The following FRMD4A variants were observed in gnomAD, a reference collection of about 807,000 sequenced individuals.
FRMD4A encodes the protein FERM domain-containing protein 4A.
In FRMD4A, 29 loss-of-function variants were observed where a neutral mutation model predicts 129.1. That is an observed-to-expected ratio of 0.22 (90% CI 0.17 to 0.31). The LOEUF (loss-of-function observed/expected upper bound fraction) is 0.31, where lower values mean the gene tolerates loss of function less well. Ranked by LOEUF, FRMD4A falls within the 10% of genes least tolerant of loss-of-function variation. FRMD4A has a pLI of 1.00. For synonymous variants in FRMD4A, 634 were observed against 571.6 expected, an observed-to-expected ratio of 1.11 and a Z score of -1.56; for missense variants, 1,272 against 1,375.8, an observed-to-expected ratio of 0.92 and a Z score of 1.19.
chr10:13,679,456 A>ATAT (rs1564590925), intron 15 of FRMD4A, among the ~76,000 whole-genome samples: 14 of 31,880 alleles, frequency 4.4e-4, no homozygotes, highest in African/African-American at 1.7e-3. Flanking sequence ...AAAAAAAAAA[A>ATAT]AAAAATATAT....
At chr10:13,719,379 C>T (rs2089189743) in intron 12 of FRMD4A, among the ~76,000 whole-genome samples, 1 of 152,014 alleles carries the variant, frequency 6.6e-6, no homozygotes, top group African/African-American at 2.4e-5. Context: ...GAAGCCTACT[C>T]CCAACCTAGA....
Position 13,651,943 on chromosome 10 carries a change from C to CATCCAGAATGGGTGAGTTTTCT in FRMD4A, c.3060_3081dup (p.Gly1028ArgfsTer10). 6.2e-7 allele frequency: 1 copy of CATCCAGAATGGGTGAGTTTTCT among 1,600,962 alleles called. No homozygotes were observed. The highest frequency in any genetic ancestry group is 8.6e-7 in the Non-Finnish European group (1 of 1,167,980). On this transcript the variant is annotated frameshift_variant, in exon 24 of 25. Transcript: ENST00000357447. LOFTEE classifies it high-confidence loss of function. Reference sequence around the variant, plus strand: ...CTTTGGTGAGGTGGAGACTCAGACCCATCCAGAATGGGTGAGTTTTCTGTT... The same window carrying CATCCAGAATGGGTGAGTTTTCT: ...CTTTGGTGAGGTGGAGACTCAGACCCATCCAGAATGGGTGAGTTTTCTATCCAGAATGGGTGAGTTTTCTGTT...
intron 2 of FRMD4A, among the ~76,000 whole-genome samples, chr10:13,876,131 G>A (rs1259227860): frequency 6.6e-6 from 1 of 152,240 alleles, no homozygotes; most frequent in Admixed American, 6.5e-5. Flanking sequence ...GTTGTAGAAA[G>A]GATTACAGAA....
At chr10:14,209,728 A>G (rs1222855079) in intron 2 of FRMD4A, among the ~76,000 whole-genome samples, 2 of 151,670 alleles carry the variant, frequency 1.3e-5, no homozygotes, top group African/African-American at 4.8e-5. Flanking sequence ...CAAAAAAAAA[A>G]AAAAAAAAAT....
At position 13,699,082 on chromosome 10, in the gene FRMD4A, G is replaced by A. The variant is rs2086529491; in HGVS notation, c.975+2258C>T. Reference sequence around the variant, plus strand: ...TTTTTTTTTTTTTTTCTGAGATGGAGTCTCACTCTGTCAACCACGCTGGAG... The same window carrying A: ...TTTTTTTTTTTTTTTCTGAGATGGAATCTCACTCTGTCAACCACGCTGGAG... On this transcript the variant is annotated intron_variant, in intron 14 of 24. Transcript: ENST00000357447. Among the ~76,000 whole-genome samples the A allele has an allele frequency of 2.1e-5, 3 of 141,900 alleles. No homozygotes were observed. The South Asian group carries it at 6.6e-4, about 31-fold the overall frequency. 93.1% of individuals were successfully genotyped at this position (141,900 alleles called of 152,430 possible).
chr10:13,663,795 C>T (rs180891458), intron 18 of FRMD4A, among the ~76,000 whole-genome samples: 12 of 152,210 alleles, frequency 7.9e-5, no homozygotes, highest in African/African-American at 2.4e-4. Flanking sequence ...GGCTTCATAC[C>T]GAATATAAAG....
intron 2 of FRMD4A, among the ~76,000 whole-genome samples, chr10:13,929,451 G>A (rs775440831): frequency 6.6e-6 from 1 of 152,174 alleles, no homozygotes; most frequent in Non-Finnish European, 1.5e-5. Flanking sequence ...CACCTTGAAG[G>A]TTTGCCATGG....
chr10:14,308,977 G>C (rs1236626666), intron 2 of FRMD4A, among the ~76,000 whole-genome samples: 1 of 152,194 alleles, frequency 6.6e-6, no homozygotes, highest in Non-Finnish European at 1.5e-5. Flanking sequence ...GTTATTCAAA[G>C]ATTCAGTGGT....
At chr10:13,882,866 C>T (rs1005905502) in intron 2 of FRMD4A, among the ~76,000 whole-genome samples, 1 of 151,032 alleles carries the variant, frequency 6.6e-6, no homozygotes, top group African/African-American at 2.4e-5. Flanking sequence ...TGCAGTGGCA[C>T]TATCACGGCT....
chr10:13,650,262 C>CTGGGGTTGT (rs1357854569), intron 24 of FRMD4A, among the ~76,000 whole-genome samples: 2 of 152,180 alleles, frequency 1.3e-5, no homozygotes, highest in Non-Finnish European at 2.9e-5. Context: ...GTGGCACATA[C>CTGGGGTTGT]TGGGGTTGTT....
intron 2 of FRMD4A, among the ~76,000 whole-genome samples, chr10:14,319,042 G>T (rs1238336282): frequency 1.3e-5 from 2 of 152,204 alleles, no homozygotes; most frequent in African/African-American, 4.8e-5. Flanking sequence ...CCCACATCAT[G>T]TGGGGAGACT....
chr10:13,763,583 T>C lies in FRMD4A; in HGVS notation c.385-903A>G, dbSNP rs138325000. ...TAACAATGTTTCTGCCTATTAGTTC[T>C]TCCCCCAAATACTTAATTGTGATCT... is the stretch of plus-strand genomic sequence containing the variant. On this transcript the variant is annotated intron_variant, in intron 6 of 24. Transcript: ENST00000357447. Among the ~76,000 whole-genome samples, 348 of 152,302 alleles carry C rather than the reference T, an allele frequency of 2.3e-3. 4 individuals are homozygous for C. The highest frequency in any genetic ancestry group is 0.015 in the South Asian group (70 of 4,824).
At chr10:13,851,951 G>A (rs1471964340) in intron 3 of FRMD4A, among the ~76,000 whole-genome samples, 1 of 151,292 alleles carries the variant, frequency 6.6e-6, no homozygotes, top group Non-Finnish European at 1.5e-5. Flanking sequence ...TCACTCACAT[G>A]TGGGACCATC....
At chr10:13,676,426 CTAT>C (rs2083999309) in intron 15 of FRMD4A, among the ~76,000 whole-genome samples, 1 of 105,194 alleles carries the variant, frequency 9.5e-6, no homozygotes, top group Admixed American at 1.0e-4. Context: ...CCACACCCAG[CTAT>C]TTTTTTTTTT....
chr10:13,746,907 A>G (rs1282406807), intron 9 of FRMD4A, among the ~76,000 whole-genome samples: 1 of 152,182 alleles, frequency 6.6e-6, no homozygotes, highest in Non-Finnish European at 1.5e-5. Context: ...ATCATTCAGA[A>G]TCAGCCATTT....
chr10:14,179,759 C>T (rs1051007338), intron 2 of FRMD4A, among the ~76,000 whole-genome samples: 4 of 152,162 alleles, frequency 2.6e-5, no homozygotes, highest in East Asian at 1.9e-4. Context: ...ATGGGCCGGG[C>T]GCGGTGGCTC....
chr10:14,240,236 G>A (rs1016222374), intron 2 of FRMD4A, among the ~76,000 whole-genome samples: 1 of 152,112 alleles, frequency 6.6e-6, no homozygotes, highest in African/African-American at 2.4e-5. Context: ...TCACACAACC[G>A]AAACGCCCTG....
chr10:14,021,075 A>G (rs983417275), intron 2 of FRMD4A, among the ~76,000 whole-genome samples: 4 of 152,218 alleles, frequency 2.6e-5, no homozygotes, highest in Admixed American at 2.6e-4. Context: ...TTGATAAGGA[A>G]ACTGAAGCTC....
intron 2 of FRMD4A, among the ~76,000 whole-genome samples, chr10:13,886,063 T>C (rs1197086115): frequency 6.6e-6 from 1 of 152,154 alleles, no homozygotes; most frequent in Non-Finnish European, 1.5e-5. Flanking sequence ...ACTGTCTGGC[T>C]TCCTAGTTTG....
Sources: allele counts gnomAD v4.1 joint callset (sites outside exome capture counted in the v4.1 genomes callset), GRCh38; gene constraint gnomAD v4.1.1; transcripts MANE v1.5; gene names NCBI Gene and HGNC (gene_info 2026-07-23, HGNC 2026-07-21).